Variants in FAM107B observed in about 807,000 individuals in gnomAD.
FAM107B encodes the protein protein FAM107B.
Under a neutral mutation model 31.5 loss-of-function variants are expected in FAM107B, and 21 were observed. That is an observed-to-expected ratio of 0.67 (90% CI 0.47 to 0.96). The LOEUF is 0.96. FAM107B is among the 40% of genes least tolerant of loss of function. The pLI is 0.00. For missense variants in FAM107B, 452 were observed against 377.1 expected (o/e 1.20, Z -1.64); for synonymous variants, 157 against 141.5 (o/e 1.11, Z -0.78).
At chr10:14,577,629 T>C (rs937984657) in intron 2 of FAM107B, among the ~76,000 whole-genome samples, 1 of 152,234 alleles carries the variant, frequency 6.6e-6, no homozygotes, top group African/African-American at 2.4e-5. Flanking sequence ...GCTCCCAAGA[T>C]GGCAGGAGAG....
At chr10:14,614,880 C>A (rs1320276975) in intron 2 of FAM107B, among the ~76,000 whole-genome samples, 1 of 152,016 alleles carries the variant, frequency 6.6e-6, no homozygotes, top group East Asian at 1.9e-4. Flanking sequence ...ACTCGGGGAG[C>A]AGCAGGGGTG....
intron 3 of FAM107B, 111 bp from the exon 4 acceptor site, chr10:14,522,130 G>T: frequency 7.3e-7 from 1 of 1,366,430 alleles, no homozygotes; most frequent in Non-Finnish European, 9.8e-7. Context: ...TACAAAATTA[G>T]TATGATACCT....
intron 2 of FAM107B, among the ~76,000 whole-genome samples, chr10:14,534,622 G>A (rs57463138): frequency 6.6e-6 from 1 of 152,230 alleles, no homozygotes; most frequent in African/African-American, 2.4e-5. Context: ...CTCCGAAGGC[G>A]TGCTGAGGCT....
At position 14,530,395 on chromosome 10, in the gene FAM107B, T is replaced by C. The variant is rs374963306; in HGVS notation, c.590A>G (p.Asn197Ser). Residue 197 changes from asparagine (N) to serine (S), a missense_variant, in exon 3 of 5, where the codon AAT (asparagine) becomes AGT (serine). Asn to Ser is a conservative substitution (Grantham distance 46, BLOSUM62 1). Transcript: ENST00000181796. Reference sequence around the variant, plus strand: ...ATGGTTCCGGGAGGTTTTTACAGGATTGATCAGTTTCTGAGGCCTAATGAG... The same window carrying C: ...ATGGTTCCGGGAGGTTTTTACAGGACTGATCAGTTTCTGAGGCCTAATGAG... ...PELIRPQKLI[N>S]PVKTSRNHQD... The C allele has an allele frequency of 6.2e-6, 10 of 1,614,022 alleles. No homozygotes were observed. The highest frequency in any genetic ancestry group is 2.7e-5 in the African/African-American group (2 of 74,940).
intron 1 of FAM107B, among the ~76,000 whole-genome samples, chr10:14,758,290 A>T (rs1222066003): frequency 6.6e-6 from 1 of 152,178 alleles, no homozygotes; most frequent in Non-Finnish European, 1.5e-5. Context: ...TGCGAGGATA[A>T]CGGAAGCTGT....
intron 2 of FAM107B, among the ~76,000 whole-genome samples, chr10:14,571,356 A>G (rs1394976532): frequency 2.6e-5 from 4 of 152,190 alleles, no homozygotes; most frequent in Non-Finnish European, 4.4e-5. Flanking sequence ...AGATAGTCAA[A>G]TTTTACTGGA....
chr10:14,625,272 G>GTGTGTA (rs1270040257), intron 2 of FAM107B, among the ~76,000 whole-genome samples: 1 of 150,496 alleles, frequency 6.6e-6, no homozygotes, highest in Non-Finnish European at 1.5e-5. Context: ...GTGTGTGTGT[G>GTGTGTA]TGTGTGTATG....
chr10:14,632,414 A>C (rs558452530), intron 2 of FAM107B, among the ~76,000 whole-genome samples: 6 of 151,638 alleles, frequency 4.0e-5, no homozygotes, highest in Non-Finnish European at 7.4e-5. Flanking sequence ...GATCGAGACC[A>C]TCCTGATTAA....
chr10:14,583,025 T>C (rs1285882087), intron 2 of FAM107B, among the ~76,000 whole-genome samples: 1 of 146,332 alleles, frequency 6.8e-6, no homozygotes, highest in East Asian at 2.0e-4. Flanking sequence ...GGGTGGAGGC[T>C]GCAGTAAGCG....
intron 2 of FAM107B, among the ~76,000 whole-genome samples, chr10:14,594,277 A>G (rs1852109733): frequency 6.6e-6 from 1 of 152,184 alleles, no homozygotes; most frequent in Non-Finnish European, 1.5e-5. Context: ...AGGCCAACGC[A>G]AAAGGATTGC....
chr10:14,685,918 T>C (rs1042436756), intron 1 of FAM107B, among the ~76,000 whole-genome samples: 1 of 152,252 alleles, frequency 6.6e-6, no homozygotes, highest in East Asian at 1.9e-4. Context: ...AGACAAGCCT[T>C]GTCTTACGTG....
At chr10:14,586,795 CTCTCCAAT>C (rs1253186674) in intron 2 of FAM107B, among the ~76,000 whole-genome samples, 1 of 152,216 alleles carries the variant, frequency 6.6e-6, no homozygotes, top group Admixed American at 6.5e-5. Context: ...CGCTCCTCCA[CTCTCCAAT>C]TAGATCCCAG....
chr10:14,622,431 C>T (rs951570626), intron 2 of FAM107B, among the ~76,000 whole-genome samples: 12 of 152,076 alleles, frequency 7.9e-5, no homozygotes, highest in Middle Eastern at 3.4e-3. Context: ...CTCAACCTCC[C>T]GAGTAGCTGG....
chr10:14,559,738 AT>A (rs56026288), intron 2 of FAM107B, among the ~76,000 whole-genome samples: 23,537 of 142,804 alleles, frequency 0.16, 2,010 homozygotes, highest in Non-Finnish European at 0.2. Context: ...CGCCTGGCTA[AT>A]TTTTTTTTTT....
At chr10:14,757,056 A>C (rs1396544460) in intron 1 of FAM107B, among the ~76,000 whole-genome samples, 2 of 152,190 alleles carry the variant, frequency 1.3e-5, no homozygotes, top group African/African-American at 4.8e-5. Context: ...AATGGGTACT[A>C]GGCTTAATAC....
At chr10:14,631,217 C>T (rs1265237424) in intron 2 of FAM107B, among the ~76,000 whole-genome samples, 1 of 152,124 alleles carries the variant, frequency 6.6e-6, no homozygotes, top group African/African-American at 2.4e-5. Flanking sequence ...TGGGCAGCAT[C>T]CTATCATCCC....
At chr10:14,622,984 A>G (rs1853056287) in intron 2 of FAM107B, among the ~76,000 whole-genome samples, 1 of 152,206 alleles carries the variant, frequency 6.6e-6, no homozygotes, top group Non-Finnish European at 1.5e-5. Context: ...GAGAATTGCA[A>G]AGCAACCTGA....
At chr10:14,671,572 T>G (rs1854543856) in intron 1 of FAM107B, among the ~76,000 whole-genome samples, 1 of 152,134 alleles carries the variant, frequency 6.6e-6, no homozygotes, top group Admixed American at 6.5e-5. Context: ...TGTCTGAATG[T>G]GACACACTCA....
intron 1 of FAM107B, among the ~76,000 whole-genome samples, chr10:14,706,542 C>G (rs1006043470): frequency 6.6e-6 from 1 of 152,174 alleles, no homozygotes; most frequent in African/African-American, 2.4e-5. Context: ...CCAAAGTGAA[C>G]TGGGATGTAT....
Sources: gnomAD v4.1 joint callset for allele counts (sites outside exome capture counted in the v4.1 genomes callset) on GRCh38, gnomAD v4.1.1 for gene constraint, MANE v1.5 for transcripts, NCBI Gene and HGNC (gene_info 2026-07-23, HGNC 2026-07-21) for gene names.